Variants in VPS13B observed in about 807,000 individuals in gnomAD.
VPS13B encodes vacuolar protein sorting 13 homolog B, also known as intermembrane lipid transfer protein VPS13B.
A neutral mutation model predicts 426.4 loss-of-function variants in VPS13B; 285 were observed. The ratio of observed to expected loss-of-function variants is 0.67; its 90% CI spans 0.61 to 0.74. The LOEUF is 0.74. Ranked by LOEUF, VPS13B falls within the 30% of genes least tolerant of loss-of-function variation. VPS13B has a pLI of 0.00. For synonymous variants in VPS13B, 1,676 were observed against 1,676.4 expected (o/e 1.00, Z 0.01); for missense variants, 4,537 against 4,782.6 (o/e 0.95, Z 1.51).
At chr8:99,215,110 T>G (rs1815312343) in intron 17 of VPS13B, among the ~76,000 whole-genome samples, 1 of 152,224 alleles carries the variant, frequency 6.6e-6, no homozygotes, top group Non-Finnish European at 1.5e-5. Flanking sequence ...GTATCCTCAG[T>G]AACTAATGTT....
intron 35 of VPS13B, among the ~76,000 whole-genome samples, chr8:99,690,322 T>A (rs1831599789): frequency 6.6e-6 from 1 of 152,196 alleles, no homozygotes; most frequent in Non-Finnish European, 1.5e-5. Flanking sequence ...ATCGTAGACT[T>A]ACATTTAAGA....
chr8:99,821,161 CACACA>C (rs1563491107), intron 49 of VPS13B, 128 bp from the exon 50 acceptor site: 91 of 615,962 alleles, frequency 1.5e-4, no homozygotes, highest in Non-Finnish European at 2.1e-4. Context: ...CACACACACA[CACACA>C]CCATGGAGGG....
intron 17 of VPS13B, 32 bp from the exon 18 acceptor site, chr8:99,274,166 C>T (rs753268245): frequency 8.7e-6 from 14 of 1,613,620 alleles, no homozygotes; most frequent in Middle Eastern, 1.7e-4. Context: ...TAAATTCAAT[C>T]GGCTAGTACA....
At chr8:99,082,920 G>C (rs1459630471) in intron 3 of VPS13B, among the ~76,000 whole-genome samples, 1 of 152,042 alleles carries the variant, frequency 6.6e-6, no homozygotes, top group Non-Finnish European at 1.5e-5. Flanking sequence ...TGTTCTTTTT[G>C]CTTAGGATTG....
intron 39 of VPS13B, among the ~76,000 whole-genome samples, chr8:99,755,716 C>G (rs1810606958): frequency 6.6e-6 from 1 of 152,064 alleles, no homozygotes; most frequent in South Asian, 2.1e-4. Context: ...TTGCAGTGAG[C>G]CAAGATCGTG....
chr8:99,357,958 T>G (rs1812270208), intron 19 of VPS13B, among the ~76,000 whole-genome samples: 2 of 152,174 alleles, frequency 1.3e-5, no homozygotes, highest in East Asian at 3.9e-4. Flanking sequence ...AAACCCAGTT[T>G]CTTCATTGGT....
chr8:99,739,832 A>C (rs1809599458), intron 39 of VPS13B, among the ~76,000 whole-genome samples: 2 of 152,140 alleles, frequency 1.3e-5, no homozygotes. Flanking sequence ...ACGTCACCAA[A>C]ATCAAAGACC....
At chr8:99,226,490 A>G (rs1816025955) in intron 17 of VPS13B, among the ~76,000 whole-genome samples, 1 of 152,130 alleles carries the variant, frequency 6.6e-6, no homozygotes, top group Non-Finnish European at 1.5e-5. Context: ...AACACTTGAA[A>G]TTTAGGTGAT....
At position 99,024,449 on chromosome 8, in the gene VPS13B, CTT is replaced by C. The variant is rs545583302; in HGVS notation, c.147+10516_147+10517del. On this transcript the variant is annotated intron_variant, in intron 2 of 61. Transcript: ENST00000357162. ...ATAGTTCCAGGAATTACATTTAAGT[CTT>C]TAGTCCATCTTGAGTTGATTTTTGT... Among the ~76,000 whole-genome samples the C allele has an allele frequency of 2.6e-3, 390 of 152,302 alleles. 2 individuals are homozygous for C. Among genetic ancestry groups the C allele is most frequent in the Non-Finnish European group, 4.7e-3 (318 of 68,024 alleles).
At chr8:99,665,197 C>T (rs949763290) in intron 35 of VPS13B, among the ~76,000 whole-genome samples, 6 of 152,054 alleles carry the variant, frequency 3.9e-5, no homozygotes, top group Non-Finnish European at 7.4e-5. Context: ...TGTTTGAGTT[C>T]ATTGTAGATT....
intron 58 of VPS13B, among the ~76,000 whole-genome samples, chr8:99,863,813 G>T (rs1003981458): frequency 6.6e-6 from 1 of 152,088 alleles, no homozygotes; most frequent in Non-Finnish European, 1.5e-5. Flanking sequence ...GGGCTCATGG[G>T]GTCTTTCTGC....
chr8:99,402,420 G>C (rs1815087341), intron 21 of VPS13B, among the ~76,000 whole-genome samples: 1 of 152,120 alleles, frequency 6.6e-6, no homozygotes, highest in Admixed American at 6.5e-5. Context: ...ACAGTGTACT[G>C]TTTCTGGTCG....
intron 58 of VPS13B, among the ~76,000 whole-genome samples, chr8:99,866,584 T>C (rs2130957313): frequency 6.6e-6 from 1 of 152,382 alleles, no homozygotes; most frequent in African/African-American, 2.4e-5. Flanking sequence ...AAGCCTTCAC[T>C]GTGGCCAGAG....
At chr8:99,728,575 A>G (rs993235940) in intron 39 of VPS13B, among the ~76,000 whole-genome samples, 1 of 152,156 alleles carries the variant, frequency 6.6e-6, no homozygotes, top group Non-Finnish European at 1.5e-5. Context: ...TTTTCTGAGA[A>G]GGAGGTTTTT....
At chr8:99,255,950 T>G (rs918813800) in intron 17 of VPS13B, among the ~76,000 whole-genome samples, 1 of 152,192 alleles carries the variant, frequency 6.6e-6, no homozygotes, top group African/African-American at 2.4e-5. Flanking sequence ...TGTTAGAGTA[T>G]GCTGAAGATG....
At chr8:99,020,126 G>A (rs910075277) in intron 2 of VPS13B, among the ~76,000 whole-genome samples, 11 of 148,748 alleles carry the variant, frequency 7.4e-5, no homozygotes, top group East Asian at 2.0e-4. Context: ...GCTCCGTATC[G>A]TCACTAACAC....
At chr8:99,512,654 CT>C (rs1821851672) in intron 29 of VPS13B, among the ~76,000 whole-genome samples, 1 of 152,110 alleles carries the variant, frequency 6.6e-6, no homozygotes, top group Admixed American at 6.6e-5. Flanking sequence ...AGTAGATTGT[CT>C]TTATTACACA....
intron 55 of VPS13B, among the ~76,000 whole-genome samples, chr8:99,849,188 C>T (rs1308626317): frequency 2.6e-5 from 4 of 152,162 alleles, no homozygotes; most frequent in East Asian, 1.9e-4. Context: ...CACATTAATA[C>T]CTCTGTGTCT....
intron 22 of VPS13B, among the ~76,000 whole-genome samples, chr8:99,436,412 G>A (rs1275317376): frequency 1.3e-5 from 2 of 151,634 alleles, no homozygotes; most frequent in East Asian, 1.9e-4. Context: ...CTCTAATTAT[G>A]GTAAAATACA....
Sources: allele counts gnomAD v4.1 joint callset (sites outside exome capture counted in the v4.1 genomes callset), GRCh38; gene constraint gnomAD v4.1.1; transcripts MANE v1.5; gene names NCBI Gene and HGNC (gene_info 2026-07-23, HGNC 2026-07-21).